The following UBTD2 variants were observed in gnomAD, a reference collection of about 807,000 sequenced individuals.
UBTD2 encodes the protein ubiquitin domain-containing protein 2.
In UBTD2, 9 loss-of-function variants were observed where a neutral mutation model predicts 19.8. The ratio of observed to expected loss-of-function variants is 0.46; its 90% CI spans 0.27 to 0.79. The LOEUF (loss-of-function observed/expected upper bound fraction) is 0.79, where lower values mean the gene tolerates loss of function less well. UBTD2 is among the 30% of genes least tolerant of loss of function. The pLI, the probability that UBTD2 is intolerant of heterozygous loss-of-function variation, is 0.14. For synonymous variants in UBTD2, 98 were observed against 103.9 expected, an observed-to-expected ratio of 0.94 and a Z score of 0.35; for missense variants, 250 against 300.4, an observed-to-expected ratio of 0.83 and a Z score of 1.24.
intron 1 of UBTD2, among the ~76,000 whole-genome samples, chr5:172,256,925 A>C (rs535407802): frequency 2.0e-4 from 31 of 152,312 alleles, no homozygotes; most frequent in African/African-American, 7.5e-4. Flanking sequence ...TCTCAAAAAA[A>C]AGTTTCTAAA....
chr5:172,236,496 TAGA>T lies in UBTD2; in HGVS notation c.71-2141_71-2139del, dbSNP rs564251588. Among the ~76,000 whole-genome samples the T allele has an allele frequency of 3.2e-3, 484 of 152,332 alleles. 3 individuals carry two copies. The highest frequency in any genetic ancestry group is 0.011 in the African/African-American group (448 of 41,572). On this transcript the variant is annotated intron_variant, in intron 1 of 2. Coordinates refer to ENST00000393792, the MANE Select transcript of UBTD2 (RefSeq NM_152277.3). ...ACAATGCAGCTAGAGCATAATTCTC[TAGA>T]AGATGTTCAGAATCTGGTCTGATAA...
At chr5:172,253,900 T>C (rs898235346) in intron 1 of UBTD2, among the ~76,000 whole-genome samples, 2 of 152,202 alleles carry the variant, frequency 1.3e-5, no homozygotes, top group African/African-American at 2.4e-5. Context: ...TAAGAATGGT[T>C]TGCTTAGCAA....
intron 2 of UBTD2, among the ~76,000 whole-genome samples, chr5:172,217,435 A>G (rs1360655457): frequency 3.3e-5 from 5 of 150,968 alleles, no homozygotes; most frequent in Non-Finnish European, 7.4e-5. Context: ...AAAAAAAAAA[A>G]AGAAAGAAAG....
rs367928727 is a variant in UBTD2, at chr5:172,269,138, G to A, written c.70+14458C>T. Among the ~76,000 whole-genome samples the A allele has an allele frequency of 5.9e-5, 9 of 152,074 alleles. No individual in the cohort carries two copies. The East Asian group carries it at 7.7e-4, about 13-fold the overall frequency. ...CATTTGTTTAATATAGGTGACAGGC[G>A]TTCAAGGGTTTCTGTACTAGAGTCT... On this transcript the variant is annotated intron_variant, in intron 1 of 2. Coordinates refer to ENST00000393792, the MANE Select transcript of UBTD2 (RefSeq NM_152277.3).
At chr5:172,273,780 C>A (rs1755550865) in intron 1 of UBTD2, among the ~76,000 whole-genome samples, 1 of 151,942 alleles carries the variant, frequency 6.6e-6, no homozygotes, top group African/African-American at 2.4e-5. Flanking sequence ...GGATTCAGCT[C>A]TCCTCATGTC....
intron 1 of UBTD2, among the ~76,000 whole-genome samples, chr5:172,269,664 A>T (rs1304947919): frequency 6.6e-6 from 1 of 151,270 alleles, no homozygotes; most frequent in African/African-American, 2.4e-5. Context: ...CTTAGACCAA[A>T]CTCTTTCCAT....
intron 1 of UBTD2, chr5:172,254,743 C>T: frequency 4.6e-6 from 2 of 434,356 alleles, no homozygotes; most frequent in Non-Finnish European, 8.1e-6. Flanking sequence ...GGGGGGAACA[C>T]TGAGTTCATT....
In UBTD2 at chr5:172,283,477, TG is replaced by T. The variant is rs1755766405; in HGVS notation, c.70+118del. On this transcript the variant is annotated intron_variant, in intron 1 of 2. Coordinates refer to ENST00000393792, the MANE Select transcript of UBTD2 (RefSeq NM_152277.3). This position sits in a 1 kb window ranked among gnomAD's most constrained non-coding sequence, Gnocchi z 4.3. Reference sequence around the variant, plus strand: ...CGGAAGCGGAGCGCGGGGAATGACGTGGAAGAGGGGATGACAAAGGGGCGCG... The same window carrying T: ...CGGAAGCGGAGCGCGGGGAATGACGTGAAGAGGGGATGACAAAGGGGCGCG... The T allele has an allele frequency of 4.1e-6, 3 of 732,844 alleles. No individual in the cohort carries two copies. Among genetic ancestry groups the T allele is most frequent in the East Asian group, 3.8e-5 (1 of 26,490 alleles). 45.4% of individuals were successfully genotyped at this position (732,844 alleles called of 1,614,324 possible).
chr5:172,264,814 T>G (rs1248960831), intron 1 of UBTD2, among the ~76,000 whole-genome samples: 1 of 151,990 alleles, frequency 6.6e-6, no homozygotes, highest in Non-Finnish European at 1.5e-5. Flanking sequence ...AGGTCAAGGC[T>G]GCAGTGAGCT....
intron 2 of UBTD2, among the ~76,000 whole-genome samples, chr5:172,224,833 CT>C (rs1771730390): frequency 6.6e-6 from 1 of 152,116 alleles, no homozygotes; most frequent in Non-Finnish European, 1.5e-5. Flanking sequence ...GAGAGGTTTG[CT>C]TAAAGAAACC....
At chr5:172,248,939 G>T (rs898793856) in intron 1 of UBTD2, among the ~76,000 whole-genome samples, 2 of 149,446 alleles carry the variant, frequency 1.3e-5, no homozygotes, top group African/African-American at 2.5e-5. Context: ...GCCTGTCTTG[G>T]GGGGGAAGAA....
At chr5:172,244,088 TG>T (rs1227499828) in intron 1 of UBTD2, among the ~76,000 whole-genome samples, 1 of 152,064 alleles carries the variant, frequency 6.6e-6, no homozygotes, top group Non-Finnish European at 1.5e-5. Flanking sequence ...CTACATATTC[TG>T]GTGCTCCTTG....
At chr5:172,241,070 G>A (rs1211390158) in intron 1 of UBTD2, among the ~76,000 whole-genome samples, 1 of 143,838 alleles carries the variant, frequency 7.0e-6, no homozygotes, top group Non-Finnish European at 1.5e-5. Flanking sequence ...TTTTTTTATT[G>A]TAGAGACCTT....
At chr5:172,254,255 A>G (rs538577003) in intron 1 of UBTD2, among the ~76,000 whole-genome samples, 66 of 151,994 alleles carry the variant, frequency 4.3e-4, no homozygotes, top group Non-Finnish European at 8.2e-4. Context: ...ATCCGCCACC[A>G]CGCCCGGTTA....
intron 2 of UBTD2, among the ~76,000 whole-genome samples, chr5:172,232,169 A>G (rs1480886306): frequency 1.3e-5 from 2 of 152,204 alleles, no homozygotes; most frequent in Non-Finnish European, 2.9e-5. Context: ...GCTACTTGGG[A>G]GGCTGAGGCA....
At chr5:172,274,637 T>C (rs1755571843) in intron 1 of UBTD2, among the ~76,000 whole-genome samples, 1 of 152,184 alleles carries the variant, frequency 6.6e-6, no homozygotes, top group Non-Finnish European at 1.5e-5. Flanking sequence ...TACTGGTATA[T>C]TCTGGAATTG....
intron 1 of UBTD2, among the ~76,000 whole-genome samples, chr5:172,235,118 T>G (rs1258061127): frequency 6.6e-6 from 1 of 152,188 alleles, no homozygotes; most frequent in Non-Finnish European, 1.5e-5. Context: ...AAGTTTTGTT[T>G]TGTTCATTTT....
chr5:172,272,484 C>G (rs1755512233), intron 1 of UBTD2, among the ~76,000 whole-genome samples: 1 of 151,976 alleles, frequency 6.6e-6, no homozygotes, highest in Admixed American at 6.6e-5. Flanking sequence ...CTCAGGTGGT[C>G]TGCAGTAAGG....
At chr5:172,272,407 G>A (rs1755508231) in intron 1 of UBTD2, among the ~76,000 whole-genome samples, 1 of 152,204 alleles carries the variant, frequency 6.6e-6, no homozygotes, top group African/African-American at 2.4e-5. Context: ...AGCAGAAGCG[G>A]AAAGATGCGA....
Sources: gnomAD v4.1 joint callset for allele counts (sites outside exome capture counted in the v4.1 genomes callset) on GRCh38, gnomAD v4.1.1 for gene constraint, Gnocchi (gnomAD v3.1) non-coding constraint, MANE v1.5 for transcripts, NCBI Gene and HGNC (gene_info 2026-07-23, HGNC 2026-07-21) for gene names.